The following FHIT variants were observed in gnomAD, a reference collection of about 807,000 sequenced individuals.
FHIT encodes the protein bis(5'-adenosyl)-triphosphatase.
Under a neutral mutation model 17.9 loss-of-function variants are expected in FHIT, and 19 were observed. The ratio of observed to expected loss-of-function variants is 1.06; its 90% CI spans 0.74 to 1.56. FHIT has a LOEUF of 1.56. Among genes scored for constraint, FHIT ranks in the 40% most tolerant of loss-of-function variants. The probability of loss-of-function intolerance (pLI) is 0.00; values close to 1 mark genes in which losing one functional copy is unlikely to be tolerated. For missense variants in FHIT, 248 were observed against 189.2 expected (o/e 1.31, Z -1.82); for synonymous variants, 81 against 69.7 (o/e 1.16, Z -0.81).
At chr3:60,878,820 C>A (rs1252484736) in intron 3 of FHIT, among the ~76,000 whole-genome samples, 9 of 152,132 alleles carry the variant, frequency 5.9e-5, no homozygotes, top group Admixed American at 5.9e-4. Flanking sequence ...GACATGAACT[C>A]ATCCTTTTTT....
At chr3:60,150,501 A>G (rs1700418495) in intron 5 of FHIT, among the ~76,000 whole-genome samples, 1 of 152,118 alleles carries the variant, frequency 6.6e-6, no homozygotes, top group Admixed American at 6.6e-5. Context: ...TATTATTTTT[A>G]TTTGAAACAG....
At chr3:61,179,731 A>AAAC (rs2038277165) in intron 2 of FHIT, among the ~76,000 whole-genome samples, 1 of 150,580 alleles carries the variant, frequency 6.6e-6, no homozygotes, top group African/African-American at 2.4e-5. Context: ...AAAAAAAAAA[A>AAAC]AACCACCCAA....
chr3:60,071,863 G>C (rs76222963), intron 5 of FHIT, among the ~76,000 whole-genome samples: 4 of 152,166 alleles, frequency 2.6e-5, no homozygotes, highest in Non-Finnish European at 5.9e-5. Context: ...AGTCTAATGA[G>C]ATCTGATGGT....
chr3:60,301,866 C>G (rs578149349), intron 5 of FHIT, among the ~76,000 whole-genome samples: 1 of 151,898 alleles, frequency 6.6e-6, no homozygotes, highest in South Asian at 2.1e-4. Flanking sequence ...TAAAAATGCA[C>G]TCATACATTT....
intron 5 of FHIT, among the ~76,000 whole-genome samples, chr3:60,135,431 A>T (rs1699777591): frequency 1.3e-5 from 2 of 152,168 alleles, no homozygotes; most frequent in African/African-American, 4.8e-5. Flanking sequence ...TAACAAATCA[A>T]TTTGATTCAA....
intron 8 of FHIT, among the ~76,000 whole-genome samples, chr3:59,857,702 T>G (rs2106826147): frequency 7.3e-6 from 1 of 136,834 alleles, no homozygotes; most frequent in South Asian, 2.4e-4. Flanking sequence ...TGCAAAGTGC[T>G]GGGTTTTTTT....
intron 3 of FHIT, among the ~76,000 whole-genome samples, chr3:60,995,373 TCAA>T (rs1237516633): frequency 6.6e-6 from 1 of 152,098 alleles, no homozygotes; most frequent in Non-Finnish European, 1.5e-5. Flanking sequence ...GCCTCAAAGG[TCAA>T]CAAGGTAACT....
chr3:60,883,685 C>G (rs1200879103), intron 3 of FHIT, among the ~76,000 whole-genome samples: 5 of 152,116 alleles, frequency 3.3e-5, no homozygotes, highest in African/African-American at 1.2e-4. Flanking sequence ...AACTAGACCT[C>G]TGTCTCTCAC....
intron 8 of FHIT, among the ~76,000 whole-genome samples, chr3:59,857,530 G>GTTT (rs1702208665): frequency 1.1e-5 from 1 of 88,066 alleles, no homozygotes; most frequent in Non-Finnish European, 2.1e-5. Flanking sequence ...CATAGGACAA[G>GTTT]ATTATACAAA....
rs375858853 is a variant in FHIT, at chr3:60,122,579, G to T, written c.104-108427C>A. On this transcript the variant is annotated intron_variant, in intron 5 of 9. Transcript: ENST00000492590. ...TAAACCTCTAAGAGATCATTTTATG[G>T]GAAAAAGCAGCCCCTCCTGAAAACA... 2.4e-4 allele frequency among the ~76,000 whole-genome samples: 37 copies of T among 152,186 alleles called. No individual in the cohort carries two copies. The South Asian group carries it at 7.5e-3, about 31-fold the overall frequency.
intron 2 of FHIT, among the ~76,000 whole-genome samples, chr3:61,051,249 CTGTTTGTTTGTTTGTTTGTT>C (rs57097773): frequency 6.6e-6 from 1 of 150,804 alleles, no homozygotes; most frequent in African/African-American, 2.5e-5. Flanking sequence ...ACCACTATCT[CTGTTTGTTTGTTTGTTTGTT>C]TGTTTGTTTG....
intron 5 of FHIT, among the ~76,000 whole-genome samples, chr3:60,035,871 C>T (rs1701195062): frequency 6.6e-6 from 1 of 152,182 alleles, no homozygotes; most frequent in Admixed American, 6.5e-5. Context: ...CTAGGTGTTG[C>T]TATGATAACA....
rs1027023185 is a variant in FHIT at position 60,157,565 on chromosome 3, G to A, written c.104-143413C>T. Among the ~76,000 whole-genome samples the A allele has an allele frequency of 4.6e-5, 7 of 152,290 alleles. No homozygotes were observed. The South Asian group carries it at 6.2e-4, about 14-fold the overall frequency. ...CTAAATACAGGCAGCAGTGAGCTTCGAGGTGAAAGCTCTGAGGAAAAGGCA... is the reference window on the plus strand; with the variant it reads ...CTAAATACAGGCAGCAGTGAGCTTCAAGGTGAAAGCTCTGAGGAAAAGGCA... On this transcript the variant is annotated intron_variant, in intron 5 of 9. Coordinates refer to ENST00000492590, the MANE Select transcript of FHIT (RefSeq NM_002012.4).
intron 3 of FHIT, among the ~76,000 whole-genome samples, chr3:60,989,654 C>A (rs546551248): frequency 6.6e-6 from 1 of 152,272 alleles, no homozygotes; most frequent in East Asian, 1.9e-4. Flanking sequence ...CACTGTTAAC[C>A]AGGAAAACTC....
intron 7 of FHIT, among the ~76,000 whole-genome samples, chr3:59,928,388 A>T (rs2107217320): frequency 6.6e-6 from 1 of 152,332 alleles, no homozygotes; most frequent in Non-Finnish European, 1.5e-5. Flanking sequence ...AAACTGGAAG[A>T]GGGTGAACAT....
At chr3:60,326,395 C>T (rs1041705034) in intron 5 of FHIT, among the ~76,000 whole-genome samples, 14 of 152,018 alleles carry the variant, frequency 9.2e-5, no homozygotes, top group Non-Finnish European at 1.9e-4. Flanking sequence ...ACCTAGATCC[C>T]TCCCATGTGC....
rs187874650 is a variant in FHIT at position 60,515,803 on chromosome 3, C to T, written c.103+21057G>A. 2.0e-3 allele frequency among the ~76,000 whole-genome samples: 297 copies of T among 152,258 alleles called. 3 individuals are homozygous for T. Among genetic ancestry groups the T allele is most frequent in the Middle Eastern group, 6.8e-3 (2 of 294 alleles). ...CCGCTGGGTAGATACTATTACCGCC[C>T]ATTTGAAGCATAAGGTAACTGAAGG... On this transcript the variant is annotated intron_variant, in intron 5 of 9. Coordinates refer to ENST00000492590, the MANE Select transcript of FHIT (RefSeq NM_002012.4).
chr3:60,752,585 T>C (rs781820876), intron 4 of FHIT, among the ~76,000 whole-genome samples: 4 of 152,172 alleles, frequency 2.6e-5, no homozygotes, highest in Non-Finnish European at 5.9e-5. Flanking sequence ...TTGTGAACAA[T>C]TCGAACCCAC....
At chr3:61,049,236 A>G (rs1024889200) in intron 2 of FHIT, among the ~76,000 whole-genome samples, 1 of 151,010 alleles carries the variant, frequency 6.6e-6, no homozygotes, top group African/African-American at 2.4e-5. Flanking sequence ...TTGGTAACCA[A>G]TGTTACCAAA....
Sources: gnomAD v4.1 joint callset for allele counts (sites outside exome capture counted in the v4.1 genomes callset) on GRCh38, gnomAD v4.1.1 for gene constraint, MANE v1.5 for transcripts, NCBI Gene and HGNC (gene_info 2026-07-23, HGNC 2026-07-21) for gene names.